The following GLI2 variants were observed in gnomAD, a reference collection of about 807,000 sequenced individuals.
GLI2 encodes the protein transcription activator GLI2.
GLI2 carries 22 observed loss-of-function variants against 78.9 expected under a neutral mutation model. The observed-to-expected ratio is 0.28, with a 90% confidence interval of 0.20 to 0.40. The LOEUF (loss-of-function observed/expected upper bound fraction) is 0.40, where lower values mean the gene tolerates loss of function less well. Among genes scored for constraint, GLI2 ranks in the 10% least tolerant of loss-of-function variants. The pLI, the probability that GLI2 is intolerant of heterozygous loss-of-function variation, is 1.00. For missense variants in GLI2, 2,097 were observed against 2,213.2 expected (o/e 0.95, Z 1.05); for synonymous variants, 974 against 963.7 (o/e 1.01, Z -0.20).
At chr2:120,859,948 C>T (rs576248990) in intron 2 of GLI2, among the ~76,000 whole-genome samples, 9 of 152,280 alleles carry the variant, frequency 5.9e-5, no homozygotes, top group East Asian at 1.9e-4. Flanking sequence ...CCACCATGCC[C>T]GGCCAATACT....
At chr2:120,923,549 G>T (rs545473368) in intron 2 of GLI2, among the ~76,000 whole-genome samples, 1 of 149,028 alleles carries the variant, frequency 6.7e-6, no homozygotes, top group Non-Finnish European at 1.5e-5. Context: ...AGCAACACAC[G>T]CATACAGCAC....
At chr2:120,956,812 T>G (rs1272420538) in intron 5 of GLI2, among the ~76,000 whole-genome samples, 2 of 152,046 alleles carry the variant, frequency 1.3e-5, no homozygotes, top group Non-Finnish European at 2.9e-5. Context: ...GGAAATCATG[T>G]GGGACCAGGC....
At chr2:120,909,843 C>T (rs958440913) in intron 2 of GLI2, among the ~76,000 whole-genome samples, 3 of 152,190 alleles carry the variant, frequency 2.0e-5, no homozygotes, top group Admixed American at 6.5e-5. Flanking sequence ...CCGGCCTGGG[C>T]GACAGAGTGA....
chr2:120,969,612 C>G (rs112151542), intron 6 of GLI2, among the ~76,000 whole-genome samples: 1 of 152,360 alleles, frequency 6.6e-6, no homozygotes, highest in African/African-American at 2.4e-5. Flanking sequence ...TTCTGAGGGT[C>G]AGGAATTTGA....
intron 7 of GLI2, 68 bp from the exon 8 acceptor site, chr2:120,971,873 T>A: frequency 6.9e-7 from 1 of 1,449,084 alleles, no homozygotes; most frequent in South Asian, 1.1e-5. Context: ...AGAGTTAAAG[T>A]CCAAAAAAAT....
intron 10 of GLI2, among the ~76,000 whole-genome samples, chr2:120,978,822 T>TG (rs1682584782): frequency 1.3e-5 from 2 of 152,150 alleles, no homozygotes; most frequent in African/African-American, 4.8e-5. Context: ...TCGGTAAGCA[T>TG]GGCAAAAATG....
chr2:120,938,365 T>C (rs778275607), intron 3 of GLI2, among the ~76,000 whole-genome samples: 3 of 152,256 alleles, frequency 2.0e-5, no homozygotes, highest in Non-Finnish European at 4.4e-5. Flanking sequence ...GTTTTCTGTT[T>C]GCAAAAACTG....
rs779995455 is a variant in GLI2, at chr2:120,968,709, C to T, written c.644-5C>T. 8 of 1,610,474 alleles carry T rather than the reference C, an allele frequency of 5.0e-6. No individual in the cohort carries two copies. Among genetic ancestry groups the T allele is most frequent in the Non-Finnish European group, 6.8e-6 (8 of 1,177,132 alleles). ...CTGACCTGTCTTGTGTTGACTATCC[C>T]ACAGTGTCCCGTTTCTCCAGCCCGC... On this transcript the variant is annotated splice_polypyrimidine_tract_variant and splice_region_variant and intron_variant, in intron 5 of 13. Transcript: ENST00000361492.
chr2:120,747,495 C>T (rs1682728298), intron 1 of GLI2, among the ~76,000 whole-genome samples: 1 of 152,182 alleles, frequency 6.6e-6, no homozygotes, highest in Non-Finnish European at 1.5e-5. Flanking sequence ...GCTGGTTTGC[C>T]TCAAACAAGG....
intron 3 of GLI2, among the ~76,000 whole-genome samples, chr2:120,938,013 T>C (rs1303300944): frequency 6.6e-6 from 1 of 152,202 alleles, no homozygotes; most frequent in African/African-American, 2.4e-5. Context: ...TCTTATCTCC[T>C]ATTTCCTTAT....
At chr2:120,743,172 G>A (rs1027999490) in intron 1 of GLI2, among the ~76,000 whole-genome samples, 27 of 152,188 alleles carry the variant, frequency 1.8e-4, no homozygotes, top group Admixed American at 1.7e-3. Context: ...TATCCAGTGG[G>A]ACTGAACTCT....
At chr2:120,804,598 T>C (rs966024217) in intron 2 of GLI2, among the ~76,000 whole-genome samples, 1 of 152,094 alleles carries the variant, frequency 6.6e-6, no homozygotes, top group Non-Finnish European at 1.5e-5. Context: ...TGCACCCAGG[T>C]GTGACTAAGT....
intron 2 of GLI2, among the ~76,000 whole-genome samples, chr2:120,856,564 C>T (rs1311873622): frequency 1.3e-5 from 2 of 152,162 alleles, no homozygotes; most frequent in East Asian, 3.9e-4. Context: ...AGTGTCCGGA[C>T]CTGGCTTTGA....
intron 2 of GLI2, among the ~76,000 whole-genome samples, chr2:120,851,647 C>A (rs116578306): frequency 6.6e-6 from 1 of 152,206 alleles, no homozygotes; most frequent in African/African-American, 2.4e-5. Context: ...CCAGGGAGGT[C>A]TTCACACTGT....
rs148913608 is a variant in GLI2, at chr2:120,825,056, G to A, written c.148+27588G>A. Among the ~76,000 whole-genome samples the A allele has an allele frequency of 1.2e-3, 176 of 152,180 alleles. 1 individual carries two copies. The highest frequency in any genetic ancestry group is 4.1e-3 in the African/African-American group (171 of 41,524). On this transcript the variant is annotated intron_variant, in intron 2 of 13. Transcript: ENST00000361492. ...TCAACTTGTTGCCCAGGCTGGTCTC[G>A]AACTCCTGACCTCAAGTGGTCCCCT...
chr2:120,944,912 A>G (rs1680634683), intron 3 of GLI2, among the ~76,000 whole-genome samples: 1 of 152,256 alleles, frequency 6.6e-6, no homozygotes, highest in African/African-American at 2.4e-5. Context: ...GAGTTAACAC[A>G]GCAGCCATGC....
intron 11 of GLI2, 97 bp downstream of exon 11, chr2:120,982,977 C>A: frequency 8.7e-7 from 1 of 1,151,514 alleles, no homozygotes; most frequent in Non-Finnish European, 1.3e-6. Context: ...GCCAGGTGCC[C>A]CATGTCCCGC....
intron 1 of GLI2, among the ~76,000 whole-genome samples, chr2:120,791,937 G>A (rs898521597): frequency 1.3e-5 from 2 of 152,164 alleles, no homozygotes; most frequent in South Asian, 2.1e-4. Flanking sequence ...CTGCGTGTGT[G>A]TGTGCATCCA....
chr2:120,967,234 C>T (rs902866816), intron 5 of GLI2, among the ~76,000 whole-genome samples: 5 of 152,192 alleles, frequency 3.3e-5, no homozygotes, highest in Non-Finnish European at 7.3e-5. Context: ...TGCAGGTGTC[C>T]AGAAAGTCAA....
Sources: allele counts gnomAD v4.1 joint callset (sites outside exome capture counted in the v4.1 genomes callset), GRCh38; gene constraint gnomAD v4.1.1; transcripts MANE v1.5; gene names NCBI Gene and HGNC (gene_info 2026-07-23, HGNC 2026-07-21).